GREB1L: variants seen among roughly 807,000 people sequenced by gnomAD.
The protein encoded by GREB1L is GREB1 like retinoic acid receptor coactivator.
Under a neutral mutation model 200.8 loss-of-function variants are expected in GREB1L, and 17 were observed. The observed-to-expected ratio is 0.08, with a 90% CI of 0.06 to 0.13. GREB1L has a LOEUF of 0.13. Ranked by LOEUF, GREB1L falls within the 10% of genes least tolerant of loss-of-function variation. The pLI is 1.00. For missense variants in GREB1L, 1,657 were observed against 2,367.7 expected (o/e 0.70, Z 6.23); for synonymous variants, 789 against 893.0 (o/e 0.88, Z 2.08).
At chr18:21,331,268 C>T (rs2039103364) in intron 1 of GREB1L, among the ~76,000 whole-genome samples, 1 of 152,184 alleles carries the variant, frequency 6.6e-6, no homozygotes, top group Non-Finnish European at 1.5e-5. Flanking sequence ...CTCCTGCTGT[C>T]TCCTCTGATG....
chr18:21,351,477 G>A (rs1449597508), intron 1 of GREB1L, among the ~76,000 whole-genome samples: 1 of 152,030 alleles, frequency 6.6e-6, no homozygotes, highest in Non-Finnish European at 1.5e-5. Flanking sequence ...GGAGGCTGAG[G>A]CAGGAGAATC....
chr18:21,515,570 C>A lies in GREB1L; in HGVS notation c.5055C>A (p.Phe1685Leu). The part of the protein sequence containing the change: ...KLTSQSLKAP[F>L]SRCHVHDFIL... ...CTTCTCAGAGCCTAAAGGCCCCATT[C>A]TCTAGGTGTCACGTGCATGATTTCA... The change falls in exon 29 of 33, where the codon TTC (phenylalanine) becomes TTA (leucine). Residue 1685 changes from phenylalanine (F) to leucine (L), a missense_variant. By Grantham distance (22) the Phe-to-Leu change is conservative (BLOSUM62 0). Transcript: ENST00000424526. 6.4e-7 allele frequency: 1 copy of A among 1,551,682 alleles called. No individual in the cohort carries two copies. The highest frequency in any genetic ancestry group is 8.7e-7 in the Non-Finnish European group (1 of 1,146,978).
chr18:21,445,835 G>A (rs192784801), intron 11 of GREB1L, among the ~76,000 whole-genome samples: 291 of 152,184 alleles, frequency 1.9e-3, no homozygotes, highest in Non-Finnish European at 3.2e-3. Flanking sequence ...GCTCATCTGG[G>A]TCCACAGCTC....
At chr18:21,469,291 G>A (rs2035388839) in intron 15 of GREB1L, among the ~76,000 whole-genome samples, 1 of 152,104 alleles carries the variant, frequency 6.6e-6, no homozygotes. Flanking sequence ...TATAAATACA[G>A]GTCATTTTTA....
chr18:21,268,513 A>ATG (rs2038011383), intron 1 of GREB1L, among the ~76,000 whole-genome samples: 1 of 78,536 alleles, frequency 1.3e-5, no homozygotes, highest in Non-Finnish European at 2.2e-5. Flanking sequence ...ATATATATGT[A>ATG]TATATATATA....
chr18:21,352,260 A>G (rs1005475179), intron 1 of GREB1L, among the ~76,000 whole-genome samples: 4 of 152,188 alleles, frequency 2.6e-5, no homozygotes, highest in African/African-American at 7.2e-5. Flanking sequence ...AAACATCCAT[A>G]AACTGTACTT....
chr18:21,478,094 AT>A (rs1488176300), intron 17 of GREB1L, among the ~76,000 whole-genome samples: 1 of 152,142 alleles, frequency 6.6e-6, no homozygotes, highest in Non-Finnish European at 1.5e-5. Flanking sequence ...TTTTAGTCTG[AT>A]GATCTGCATC....
At chr18:21,398,368 C>T (rs2041175292) in intron 5 of GREB1L, among the ~76,000 whole-genome samples, 1 of 152,176 alleles carries the variant, frequency 6.6e-6, no homozygotes, top group Non-Finnish European at 1.5e-5. Context: ...AGCACCCACC[C>T]AGCACAGTGC....
At chr18:21,257,907 A>G (rs2037826819) in intron 1 of GREB1L, among the ~76,000 whole-genome samples, 1 of 152,318 alleles carries the variant, frequency 6.6e-6, no homozygotes, top group African/African-American at 2.4e-5. Flanking sequence ...AGTAGGCATC[A>G]TTATTCTCAC....
At chr18:21,489,876 T>C (rs1598917868) in intron 18 of GREB1L, 136 bp from the exon 19 acceptor site, 2 of 649,850 alleles carry the variant, frequency 3.1e-6, no homozygotes, top group South Asian at 3.9e-5. Context: ...TCCCAGGTCA[T>C]TCTAGAACTA....
chr18:21,278,897 G>A (rs1220948327), intron 1 of GREB1L, among the ~76,000 whole-genome samples: 3 of 152,114 alleles, frequency 2.0e-5, no homozygotes, highest in Non-Finnish European at 4.4e-5. Flanking sequence ...CATTAGAATA[G>A]TCTAATAGTT....
At chr18:21,459,437 C>G (rs2034936623) in intron 15 of GREB1L, among the ~76,000 whole-genome samples, 1 of 151,814 alleles carries the variant, frequency 6.6e-6, no homozygotes, top group Admixed American at 6.6e-5. Flanking sequence ...AGGCGCCCAC[C>G]ACCATGCCCA....
At chr18:21,477,672 G>C (rs2035757137) in intron 17 of GREB1L, among the ~76,000 whole-genome samples, 1 of 152,016 alleles carries the variant, frequency 6.6e-6, no homozygotes, top group Non-Finnish European at 1.5e-5. Context: ...TGTAATCCCA[G>C]CTATTCAGGA....
At chr18:21,436,264 G>A (rs2033529050) in intron 7 of GREB1L, among the ~76,000 whole-genome samples, 1 of 152,136 alleles carries the variant, frequency 6.6e-6, no homozygotes, top group Admixed American at 6.5e-5. Context: ...ATAGAGTAGA[G>A]CCACCAACAT....
chr18:21,305,744 G>A (rs1362438598), intron 1 of GREB1L, among the ~76,000 whole-genome samples: 1 of 152,226 alleles, frequency 6.6e-6, no homozygotes, highest in Non-Finnish European at 1.5e-5. Flanking sequence ...TGCCCTGTGA[G>A]ACCCTGCTGG....
intron 1 of GREB1L, among the ~76,000 whole-genome samples, chr18:21,359,983 A>G (rs1426822859): frequency 6.6e-6 from 1 of 152,122 alleles, no homozygotes; most frequent in African/African-American, 2.4e-5. Flanking sequence ...TTTTTCTGGA[A>G]TTTGTGGTAT....
At chr18:21,500,489 C>A in intron 22 of GREB1L, 51 bp from the exon 23 acceptor site, 1 of 1,308,272 alleles carries the variant, frequency 7.6e-7, no homozygotes, top group Non-Finnish European at 1.1e-6. Flanking sequence ...CTCTTTTCTT[C>A]CCCTCTCTTT....
chr18:21,499,126 G>T (rs1274987025), intron 21 of GREB1L, among the ~76,000 whole-genome samples: 3 of 152,176 alleles, frequency 2.0e-5, no homozygotes, highest in African/African-American at 7.2e-5. Flanking sequence ...CCATGGAAGG[G>T]GTTGCAGTCT....
At chr18:21,374,568 A>C (rs1348045530) in intron 2 of GREB1L, among the ~76,000 whole-genome samples, 1 of 152,226 alleles carries the variant, frequency 6.6e-6, no homozygotes, top group Non-Finnish European at 1.5e-5. Context: ...GAATATGTAC[A>C]TCCCCATCTA....
Sources: allele counts gnomAD v4.1 joint callset (sites outside exome capture counted in the v4.1 genomes callset), GRCh38; gene constraint gnomAD v4.1.1; transcripts MANE v1.5; gene names NCBI Gene and HGNC (gene_info 2026-07-23, HGNC 2026-07-21).